THSD7A: variants seen among roughly 807,000 people sequenced by gnomAD.
THSD7A encodes thrombospondin type-1 domain-containing protein 7A.
THSD7A carries 96 observed loss-of-function variants against 231.3 expected under a neutral mutation model. The observed-to-expected ratio is 0.41, with a 90% CI of 0.35 to 0.49. The LOEUF (loss-of-function observed/expected upper bound fraction) is 0.49, where lower values mean the gene tolerates loss of function less well. THSD7A is among the 20% of genes least tolerant of loss of function. The pLI, the probability that THSD7A is intolerant of heterozygous loss-of-function variation, is 0.05. For missense variants in THSD7A, 2,290 were observed against 2,070.2 expected (o/e 1.11, Z -2.06); for synonymous variants, 940 against 743.3 (o/e 1.26, Z -4.30).
intron 23 of THSD7A, among the ~76,000 whole-genome samples, chr7:11,394,543 A>C (rs1429302002): frequency 6.6e-6 from 1 of 152,184 alleles, no homozygotes; most frequent in Non-Finnish European, 1.5e-5. Flanking sequence ...AGGAGTAGGT[A>C]CAAGGGAGTG....
At chr7:11,687,499 A>T (rs1378593571) in intron 1 of THSD7A, among the ~76,000 whole-genome samples, 3 of 151,874 alleles carry the variant, frequency 2.0e-5, no homozygotes, top group African/African-American at 7.2e-5. Context: ...ACCTTAAAAT[A>T]TCAAAACATT....
chr7:11,613,726 C>T (rs1232449790), intron 2 of THSD7A, among the ~76,000 whole-genome samples: 1 of 152,186 alleles, frequency 6.6e-6, no homozygotes, highest in Admixed American at 6.5e-5. Flanking sequence ...GGCACAGCGC[C>T]ACACTCTGGG....
chr7:11,495,855 T>C (rs1173859048), intron 6 of THSD7A, among the ~76,000 whole-genome samples: 1 of 151,972 alleles, frequency 6.6e-6, no homozygotes, highest in Non-Finnish European at 1.5e-5. Context: ...CGGGGGAAAA[T>C]GGATGAGATG....
intron 9 of THSD7A, among the ~76,000 whole-genome samples, chr7:11,465,262 C>T (rs886853148): frequency 2.6e-5 from 4 of 151,990 alleles, no homozygotes; most frequent in Admixed American, 6.6e-5. Context: ...GTGGTAAGCG[C>T]ACAGGTACCA....
chr7:11,615,340 G>A (rs1781070307), intron 2 of THSD7A, among the ~76,000 whole-genome samples: 1 of 152,138 alleles, frequency 6.6e-6, no homozygotes, highest in Non-Finnish European at 1.5e-5. Flanking sequence ...GTGAGCAGAG[G>A]CATATGACCT....
At chr7:11,543,963 G>A (rs1372830567) in intron 4 of THSD7A, among the ~76,000 whole-genome samples, 1 of 152,000 alleles carries the variant, frequency 6.6e-6, no homozygotes, top group African/African-American at 2.4e-5. Flanking sequence ...AGAGAATCAA[G>A]TTTAGCTGTA....
chr7:11,701,270 A>G (rs1378184987), intron 1 of THSD7A, among the ~76,000 whole-genome samples: 1 of 151,180 alleles, frequency 6.6e-6, no homozygotes, highest in Non-Finnish European at 1.5e-5. Flanking sequence ...GAGCTTTTAT[A>G]TACAATTCAT....
chr7:11,468,359 C>T (rs17555491), intron 9 of THSD7A, among the ~76,000 whole-genome samples: 53,134 of 150,658 alleles, frequency 0.35, 10,025 homozygotes, highest in Middle Eastern at 0.46. Flanking sequence ...TACAATTCTA[C>T]TGCCAACTGT....
intron 1 of THSD7A, among the ~76,000 whole-genome samples, chr7:11,693,856 A>G (rs943437656): frequency 6.6e-6 from 1 of 151,520 alleles, no homozygotes; most frequent in Non-Finnish European, 1.5e-5. Flanking sequence ...ATAAGGTTTT[A>G]TAATATATGA....
chr7:11,409,052 T>C (rs1394611111), intron 19 of THSD7A, among the ~76,000 whole-genome samples: 3 of 152,222 alleles, frequency 2.0e-5, no homozygotes, highest in African/African-American at 4.8e-5. Flanking sequence ...TTTCCTTACA[T>C]TGATCATATC....
intron 2 of THSD7A, among the ~76,000 whole-genome samples, chr7:11,610,078 T>C (rs1780870823): frequency 1.3e-5 from 2 of 152,220 alleles, no homozygotes; most frequent in South Asian, 2.1e-4. Flanking sequence ...ATGAAGATGA[T>C]AGCAAGATTG....
intron 6 of THSD7A, among the ~76,000 whole-genome samples, chr7:11,497,798 C>T (rs10273183): frequency 0.73 from 111,184 of 151,944 alleles, 40,705 homozygotes; most frequent in South Asian, 0.82. Flanking sequence ...AGGAAACAAC[C>T]TGACTCACAG....
At chr7:11,394,054 C>G (rs1160204552) in intron 23 of THSD7A, among the ~76,000 whole-genome samples, 1 of 152,128 alleles carries the variant, frequency 6.6e-6, no homozygotes, top group African/African-American at 2.4e-5. Flanking sequence ...AACCCCAAGA[C>G]ACATAATCAT....
At chr7:11,713,141 C>G (rs1350866811) in intron 1 of THSD7A, among the ~76,000 whole-genome samples, 1 of 151,194 alleles carries the variant, frequency 6.6e-6, no homozygotes, top group Non-Finnish European at 1.5e-5. Flanking sequence ...TTAATTAGCA[C>G]AGTTCTGCAT....
At chr7:11,635,839 C>A (rs371327194) in intron 2 of THSD7A, among the ~76,000 whole-genome samples, 2 of 151,518 alleles carry the variant, frequency 1.3e-5, no homozygotes, top group African/African-American at 4.9e-5. Context: ...TATAGGGAAA[C>A]GACACTGTCT....
chr7:11,487,991 T>C (rs1404673244), intron 6 of THSD7A, among the ~76,000 whole-genome samples: 2 of 152,150 alleles, frequency 1.3e-5, no homozygotes, highest in African/African-American at 4.8e-5. Context: ...GTCACAACAG[T>C]GCTATGTGCA....
intron 1 of THSD7A, among the ~76,000 whole-genome samples, chr7:11,654,401 G>C (rs549326145): frequency 6.6e-6 from 1 of 152,066 alleles, no homozygotes; most frequent in Admixed American, 6.6e-5. Flanking sequence ...CAATAAAGCA[G>C]TGTTGAAGAT....
Position 11,632,316 on chromosome 7 carries a change from C to T in THSD7A, c.1022+3814G>A, listed in dbSNP as rs1248661387. ...TAAGTGCAGAACTTTTATAGTTAAG[C>T]ATATTTACATATTTGTTTTAAGTTT... On this transcript the variant is annotated intron_variant, in intron 2 of 27. Coordinates refer to ENST00000423059, the MANE Select transcript of THSD7A (RefSeq NM_015204.3). This position sits in a 1 kb window ranked among gnomAD's most constrained non-coding sequence, Gnocchi z 4.1. 6.6e-6 allele frequency among the ~76,000 whole-genome samples: 1 copy of T among 152,076 alleles called. No individual in the cohort carries two copies. The highest frequency in any genetic ancestry group is 1.5e-5 in the Non-Finnish European group (1 of 67,996).
chr7:11,611,874 CT>C (rs1211155486), intron 2 of THSD7A, among the ~76,000 whole-genome samples: 4 of 150,926 alleles, frequency 2.7e-5, no homozygotes, highest in South Asian at 2.1e-4. Flanking sequence ...ATCTATCTAT[CT>C]ATCTATCTAT....
Sources: allele counts gnomAD v4.1 joint callset (sites outside exome capture counted in the v4.1 genomes callset), GRCh38; gene constraint gnomAD v4.1.1; non-coding constraint Gnocchi (gnomAD v3.1); transcripts MANE v1.5; gene names NCBI Gene and HGNC (gene_info 2026-07-23, HGNC 2026-07-21).